Variants in LRRC37A2 observed in about 807,000 individuals in gnomAD.
LRRC37A2 encodes the protein leucine-rich repeat-containing protein 37A2.
LRRC37A2 carries 9 observed loss-of-function variants against 68.8 expected under a neutral mutation model. The observed-to-expected ratio is 0.13, with a 90% CI of 0.08 to 0.23. LRRC37A2 has a LOEUF of 0.23. Ranked by LOEUF, LRRC37A2 falls within the 10% of genes least tolerant of loss-of-function variation. LRRC37A2 has a pLI of 1.00. For missense variants in LRRC37A2, 168 were observed against 950.4 expected, an observed-to-expected ratio of 0.18 and a Z score of 10.82; for synonymous variants, 63 against 367.6, an observed-to-expected ratio of 0.17 and a Z score of 9.48.
At chr17:46,710,637 A>G in the LRRC37A2 span, among the ~76,000 whole-genome samples, 2 of 152,190 alleles carry the variant, frequency 1.3e-5, no homozygotes, top group Non-Finnish European at 2.9e-5. Flanking sequence ...TCTTAACAGA[A>G]CAGCCTCAAA....
the LRRC37A2 span, among the ~76,000 whole-genome samples, chr17:46,795,895 T>G: frequency 6.6e-6 from 1 of 151,920 alleles, no homozygotes; most frequent in African/African-American, 2.4e-5. Flanking sequence ...CACACACACA[T>G]GCATGCACGC....
chr17:46,802,557 C>T, the LRRC37A2 span, among the ~76,000 whole-genome samples: 9 of 152,140 alleles, frequency 5.9e-5, no homozygotes, highest in African/African-American at 9.7e-5. Flanking sequence ...TGTGAGCCAC[C>T]GTGCCCGGCC....
chr17:46,972,070 A>G, the LRRC37A2 span, among the ~76,000 whole-genome samples: 8 of 135,458 alleles, frequency 5.9e-5, no homozygotes, highest in Admixed American at 4.0e-4. Context: ...AATCACCCTC[A>G]GTGTTGCTGC....
the LRRC37A2 span, among the ~76,000 whole-genome samples, chr17:46,748,472 A>G: frequency 2.0e-5 from 3 of 152,222 alleles, no homozygotes; most frequent in African/African-American, 7.2e-5. Context: ...TAGTAAGGCT[A>G]GAATAAAGGT....
chr17:46,691,518 C>T, the LRRC37A2 span, among the ~76,000 whole-genome samples: 1 of 144,708 alleles, frequency 6.9e-6, no homozygotes, highest in Middle Eastern at 3.4e-3. Flanking sequence ...TCACTTGAAC[C>T]CGGGAGGCAG....
intron 4 of LRRC37A2, among the ~76,000 whole-genome samples, chr17:46,522,388 G>C (rs1235573873): frequency 9.7e-6 from 1 of 102,666 alleles, no homozygotes. Context: ...TGATATTGAA[G>C]TGGCTTAGGA....
chr17:46,997,970 GAAA>G, the LRRC37A2 span, among the ~76,000 whole-genome samples: 398 of 136,636 alleles, frequency 2.9e-3, 12 homozygotes, highest in South Asian at 0.071. Context: ...AACTCCATCT[GAAA>G]AAAAAAAAAA....
chr17:46,812,076 C>G, the LRRC37A2 span, among the ~76,000 whole-genome samples: 1 of 152,350 alleles, frequency 6.6e-6, no homozygotes, highest in Non-Finnish European at 1.5e-5. Context: ...TCCAGCCCGT[C>G]GCCATCCAGT....
chr17:46,963,706 AT>A, the LRRC37A2 span: 11 of 152,238 alleles, frequency 7.2e-5, no homozygotes, highest in African/African-American at 2.7e-4. Context: ...GACAAAGAAC[AT>A]ATGTTCTTGA....
At chr17:46,938,283 G>A in the LRRC37A2 span, among the ~76,000 whole-genome samples, 1 of 152,046 alleles carries the variant, frequency 6.6e-6, no homozygotes, top group South Asian at 2.1e-4. Flanking sequence ...TGTGAATTGA[G>A]GTTCAATTTT....
At chr17:47,011,817 C>T in the LRRC37A2 span, among the ~76,000 whole-genome samples, 1 of 152,142 alleles carries the variant, frequency 6.6e-6, no homozygotes, top group Non-Finnish European at 1.5e-5. Flanking sequence ...ACAGGCTATG[C>T]ATCCCTGGAT....
chr17:46,726,410 A>G, the LRRC37A2 span: 1 of 779,432 alleles, frequency 1.3e-6, no homozygotes, highest in Non-Finnish European at 2.2e-6. Flanking sequence ...CCAGTGTGTC[A>G]ATTCTAATTT....
At chr17:46,925,109 C>G in the LRRC37A2 span, among the ~76,000 whole-genome samples, 1 of 152,140 alleles carries the variant, frequency 6.6e-6, no homozygotes, top group Non-Finnish European at 1.5e-5. Context: ...CACCCTTGGA[C>G]TCTAGCAGCT....
chr17:46,788,645 C>T, the LRRC37A2 span, among the ~76,000 whole-genome samples: 405 of 152,320 alleles, frequency 2.7e-3, no homozygotes, highest in Non-Finnish European at 3.6e-3. Flanking sequence ...AATTGTCCAC[C>T]GACTCCATTG....
chr17:46,730,882 A>G, the LRRC37A2 span, among the ~76,000 whole-genome samples: 12 of 152,214 alleles, frequency 7.9e-5, no homozygotes, highest in African/African-American at 2.2e-4. Context: ...CATACCTGCT[A>G]GAATGGCTAT....
At chr17:46,754,168 T>TA in the LRRC37A2 span, among the ~76,000 whole-genome samples, 4 of 150,758 alleles carry the variant, frequency 2.7e-5, no homozygotes, top group Non-Finnish European at 4.4e-5. Context: ...TTTTTTTTTT[T>TA]AAGAACTTGA....
At chr17:46,784,991 A>G in the LRRC37A2 span, among the ~76,000 whole-genome samples, 2 of 151,860 alleles carry the variant, frequency 1.3e-5, no homozygotes, top group Admixed American at 6.6e-5. Flanking sequence ...GTTAGCCAGG[A>G]TGGTCTCGAT....
chr17:46,921,226 C>T, the LRRC37A2 span: 12 of 152,212 alleles, frequency 7.9e-5, no homozygotes, highest in Admixed American at 3.3e-4. Flanking sequence ...CCACCTACTT[C>T]GTGGGATCTA....
the LRRC37A2 span, chr17:46,923,151 G>C: frequency 6.7e-6 from 9 of 1,344,290 alleles, no homozygotes; most frequent in Non-Finnish European, 8.3e-6. Flanking sequence ...GACGTGTTCC[G>C]AGGAAGCCAG....
Sources: allele counts gnomAD v4.1 joint callset (sites outside exome capture counted in the v4.1 genomes callset), GRCh38; gene constraint gnomAD v4.1.1; transcripts MANE v1.5; gene names NCBI Gene and HGNC (gene_info 2026-07-23, HGNC 2026-07-21).